Variants in CRYBG1 observed in about 807,000 individuals in gnomAD.
The protein encoded by CRYBG1 is crystallin beta-gamma domain containing 1.
Under a neutral mutation model 189.2 loss-of-function variants are expected in CRYBG1, and 139 were observed. The ratio of observed to expected loss-of-function variants is 0.73; its 90% CI spans 0.64 to 0.85. The LOEUF (loss-of-function observed/expected upper bound fraction) is 0.85, where lower values mean the gene tolerates loss of function less well. CRYBG1 is among the 40% of genes least tolerant of loss of function. CRYBG1 has a pLI of 0.00. For missense variants in CRYBG1, 2,611 were observed against 2,675.8 expected, an observed-to-expected ratio of 0.98 and a Z score of 0.53; for synonymous variants, 1,023 against 1,017.1, an observed-to-expected ratio of 1.01 and a Z score of -0.11.
chr6:106,401,544 T>C (rs1269933006), intron 1 of CRYBG1, among the ~76,000 whole-genome samples: 1 of 119,732 alleles, frequency 8.4e-6, no homozygotes, highest in Non-Finnish European at 1.7e-5. Flanking sequence ...CTCCCAATGC[T>C]ATCCCTCCCC....
At chr6:106,388,701 G>A (rs1582735563) in intron 1 of CRYBG1, among the ~76,000 whole-genome samples, 1 of 152,182 alleles carries the variant, frequency 6.6e-6, no homozygotes, top group African/African-American at 2.4e-5. Flanking sequence ...TTACTTTATA[G>A]GTTCCAGTTG....
rs572220917 is a variant in CRYBG1 at position 106,544,144 on chromosome 6, T to C, written c.5040-427T>C. Among the ~76,000 whole-genome samples the C allele has an allele frequency of 2.1e-4, 32 of 152,362 alleles. No individual in the cohort carries two copies. The East Asian group carries it at 2.1e-3, about 10-fold the overall frequency. On this transcript the variant is annotated intron_variant, in intron 11 of 21. Coordinates refer to ENST00000633556, the MANE Select transcript of CRYBG1 (RefSeq NM_001371242.2). ...CCAAGCTATTGAACAGTTTGATAGT[T>C]CGCTTTCTGATTTTTATATTTTTGC...
chr6:106,441,092 T>C (rs1771557581), intron 1 of CRYBG1, among the ~76,000 whole-genome samples: 1 of 152,144 alleles, frequency 6.6e-6, no homozygotes, highest in African/African-American at 2.4e-5. Flanking sequence ...TGGAATTTGA[T>C]AGCCAAAGAT....
intron 1 of CRYBG1, among the ~76,000 whole-genome samples, chr6:106,422,760 A>T (rs1261118250): frequency 6.6e-6 from 1 of 152,166 alleles, no homozygotes; most frequent in Non-Finnish European, 1.5e-5. Context: ...ATGTTGAAAG[A>T]TGGTTCCTGC....
rs1308664469 is a variant in CRYBG1, at chr6:106,433,759, G to GTA, written c.174-17923_174-17922dup. On this transcript the variant is annotated intron_variant, in intron 1 of 21. Coordinates refer to ENST00000633556, the MANE Select transcript of CRYBG1 (RefSeq NM_001371242.2). ...TACATATATATGTATATATATATGTGTATATATATATATGTATATATATAT... is the reference window on the plus strand; with the variant it reads ...TACATATATATGTATATATATATGTGTATATATATATATATGTATATATATAT... 1.8e-3 allele frequency among the ~76,000 whole-genome samples: 31 copies of GTA among 17,636 alleles called. 2 individuals are homozygous for GTA. The highest frequency in any genetic ancestry group is 0.015 in the Middle Eastern group (1 of 68). The allele number at this position is 17,636 out of a possible 152,430, so 11.6% of individuals were successfully genotyped here.
rs758377589 is a variant in CRYBG1, at chr6:106,553,454, G to A, written c.5473-1G>A. ...ATGTGTTTCTGTTTACTTTTTCAAA[G>A]ATTCACTTGTTTTCAGAACCACAGT... is the stretch of plus-strand genomic sequence containing the variant. On this transcript the variant is annotated splice_acceptor_variant, in intron 15 of 21. Coordinates refer to ENST00000633556, the MANE Select transcript of CRYBG1 (RefSeq NM_001371242.2). LOFTEE classifies it high-confidence loss of function. 1.9e-6 allele frequency: 3 copies of A among 1,597,572 alleles called. No individual in the cohort carries two copies. In the South Asian group the frequency reaches 3.3e-5, roughly 18 times the overall value.
intron 9 of CRYBG1, among the ~76,000 whole-genome samples, chr6:106,540,445 G>A (rs1774104316): frequency 6.6e-6 from 1 of 152,222 alleles, no homozygotes; most frequent in Non-Finnish European, 1.5e-5. Flanking sequence ...TTATCTGTAT[G>A]TTTGCTGGTC....
chr6:106,453,437 C>A (rs866769661), intron 2 of CRYBG1, among the ~76,000 whole-genome samples: 2 of 151,898 alleles, frequency 1.3e-5, no homozygotes, highest in African/African-American at 4.8e-5. Context: ...ACTGGCTTAC[C>A]GTACTTTATA....
chr6:106,496,012 C>G (rs1772842386), intron 2 of CRYBG1, among the ~76,000 whole-genome samples: 1 of 152,080 alleles, frequency 6.6e-6, no homozygotes, highest in Non-Finnish European at 1.5e-5. Context: ...GGTTATCTTT[C>G]AAATGTGTTC....
chr6:106,501,186 G>A (rs184214730), intron 2 of CRYBG1, among the ~76,000 whole-genome samples: 12 of 152,256 alleles, frequency 7.9e-5, no homozygotes, highest in Admixed American at 7.8e-4. Context: ...ATATGGTTCA[G>A]GTAATGTTAA....
At chr6:106,451,892 C>A in intron 2 of CRYBG1, 60 bp downstream of exon 2, 1 of 1,430,658 alleles carries the variant, frequency 7.0e-7, no homozygotes, top group Non-Finnish European at 9.3e-7. Flanking sequence ...AGCTAAAGCA[C>A]TGTAAGATAG....
At chr6:106,443,230 G>T (rs1771598798) in intron 1 of CRYBG1, among the ~76,000 whole-genome samples, 1 of 152,136 alleles carries the variant, frequency 6.6e-6, no homozygotes, top group Non-Finnish European at 1.5e-5. Context: ...ACAGTAGTTT[G>T]CATCCAATTG....
At chr6:106,364,290 G>A (rs777650809) in intron 1 of CRYBG1, among the ~76,000 whole-genome samples, 2 of 151,572 alleles carry the variant, frequency 1.3e-5, no homozygotes, top group Non-Finnish European at 2.9e-5. Flanking sequence ...TCATGCCATC[G>A]CACTCTAGCC....
intron 8 of CRYBG1, 57 bp from the exon 9 acceptor site, chr6:106,539,346 A>C (rs1774077471): frequency 6.3e-7 from 1 of 1,598,798 alleles, no homozygotes. Flanking sequence ...ACAGAAGGAA[A>C]AACTGAAACA....
rs1291253403 is a variant in CRYBG1, at chr6:106,544,914, A to G, written c.5293A>G (p.Ile1765Val). The G allele has an allele frequency of 9.3e-6, 15 of 1,608,404 alleles. No individual in the cohort carries two copies. In the African/African-American group the frequency reaches 9.4e-5, roughly 10 times the overall value. The change falls in exon 13 of 22, where the codon ATT (isoleucine) becomes GTT (valine). Residue 1765 changes from isoleucine to valine, a missense_variant. By Grantham distance (29) the Ile-to-Val change is conservative (BLOSUM62 3). Around this residue, in one of 3 missense-constraint regions of CRYBG1, gnomAD observed 1,622 missense variants for 1,735.0 expected, o/e 0.93. Transcript: ENST00000633556. ...ETGYGVKTQSINVLSGVWVAY... is the reference protein window; with the variant it reads ...ETGYGVKTQSVNVLSGVWVAY... Reference sequence around the variant, plus strand: ...TGGATATGGAGTGAAGACACAGTCTATTAATGTACTGAGTGGAGTGTAAGT... The same window carrying G: ...TGGATATGGAGTGAAGACACAGTCTGTTAATGTACTGAGTGGAGTGTAAGT...
chr6:106,391,887 T>G (rs1246409298), intron 1 of CRYBG1, among the ~76,000 whole-genome samples: 1 of 151,820 alleles, frequency 6.6e-6, no homozygotes, highest in Non-Finnish European at 1.5e-5. Context: ...ACTGGCTAGA[T>G]CACAAAAGTG....
chr6:106,421,338 C>T (rs981176080), intron 1 of CRYBG1, among the ~76,000 whole-genome samples: 1 of 152,116 alleles, frequency 6.6e-6, no homozygotes, highest in Non-Finnish European at 1.5e-5. Flanking sequence ...AAAGCAGTTC[C>T]AAGGTTTCAA....
At chr6:106,495,411 T>C (rs2114499851) in intron 2 of CRYBG1, among the ~76,000 whole-genome samples, 1 of 152,308 alleles carries the variant, frequency 6.6e-6, no homozygotes, top group East Asian at 1.9e-4. Context: ...AGCAACACTA[T>C]GGTAAGAAAC....
chr6:106,430,335 A>G (rs1364347723), intron 1 of CRYBG1, among the ~76,000 whole-genome samples: 1 of 152,184 alleles, frequency 6.6e-6, no homozygotes, highest in African/African-American at 2.4e-5. Flanking sequence ...TGGGAGGCTG[A>G]GGCTGCAGTA....
Sources: allele counts gnomAD v4.1 joint callset (sites outside exome capture counted in the v4.1 genomes callset), GRCh38; gene constraint gnomAD v4.1.1; regional missense constraint gnomAD v4.1.1; transcripts MANE v1.5; gene names NCBI Gene and HGNC (gene_info 2026-07-23, HGNC 2026-07-21).